Variants in CAMK1D observed in about 807,000 individuals in gnomAD.
CAMK1D encodes the protein calcium/calmodulin dependent protein kinase ID, also known as calcium/calmodulin-dependent protein kinase type 1D.
CAMK1D carries 9 observed loss-of-function variants against 47.7 expected under a neutral mutation model. That is an observed-to-expected ratio of 0.19 (90% CI 0.11 to 0.33). The LOEUF (loss-of-function observed/expected upper bound fraction) is 0.33, where lower values mean the gene tolerates loss of function less well. Ranked by LOEUF, CAMK1D falls within the 10% of genes least tolerant of loss-of-function variation. CAMK1D has a pLI of 1.00. For missense variants in CAMK1D, 291 were observed against 488.7 expected (o/e 0.60, Z 3.81); for synonymous variants, 184 against 184.9 (o/e 0.99, Z 0.04).
chr10:12,358,251 T>C lies in CAMK1D; in HGVS notation c.92+8341T>C, dbSNP rs78534680. 6.4e-3 allele frequency among the ~76,000 whole-genome samples: 969 copies of C among 151,962 alleles called. 7 individuals carry two copies. Among genetic ancestry groups the C allele is most frequent in the Non-Finnish European group, 0.01 (700 of 67,948 alleles). ...ATAGAGAAAGAAAAGAAAAAAGAAATGAGGGACCCAGTACAGTGGCTCATG... is the reference window on the plus strand; with the variant it reads ...ATAGAGAAAGAAAAGAAAAAAGAAACGAGGGACCCAGTACAGTGGCTCATG... On this transcript the variant is annotated intron_variant, in intron 1 of 10. Coordinates refer to ENST00000619168, the MANE Select transcript of CAMK1D (RefSeq NM_153498.4).
chr10:12,691,403 AAATATATATATATATATATTTTTTTTT>A (rs1832913406), intron 3 of CAMK1D, among the ~76,000 whole-genome samples: 1 of 7,098 alleles, frequency 1.4e-4, no homozygotes, highest in African/African-American at 5.2e-4. Context: ...ATATATATAT[AAATATATATATATATATATTTTTTTTT>A]TTTTTTTTTT....
chr10:12,574,468 ATTTTTTTTTTTTT>A lies in CAMK1D; in HGVS notation c.224+21129_224+21141del, dbSNP rs1171556305. On this transcript the variant is annotated intron_variant, in intron 2 of 10. Transcript: ENST00000619168. Reference sequence around the variant, plus strand: ...AGGTGCACACCACCACGCCTAGCTAATTTTTTTTTTTTTTTTTTTTTTTTTTTTTAGTAGAGAC... The same window carrying A: ...AGGTGCACACCACCACGCCTAGCTAATTTTTTTTTTTTTTTTAGTAGAGAC... Among the ~76,000 whole-genome samples, 8 of 61,376 alleles carry A rather than the reference ATTTTTTTTTTTTT, an allele frequency of 1.3e-4. No individual in the cohort carries two copies. The East Asian group carries it at 2.3e-3, about 18-fold the overall frequency. 40.3% of individuals were successfully genotyped at this position (61,376 alleles called of 152,430 possible). A position where few individuals can be genotyped will look rare whatever the true frequency, so the allele number is the denominator to read the frequency against.
intron 1 of CAMK1D, among the ~76,000 whole-genome samples, chr10:12,524,670 G>A (rs534470727): frequency 3.3e-5 from 5 of 151,978 alleles, no homozygotes; most frequent in African/African-American, 9.7e-5. Flanking sequence ...TGGCACCACT[G>A]CACTCCAGCC....
chr10:12,506,895 G>GTCCTTAGT (rs1834894152), intron 1 of CAMK1D, among the ~76,000 whole-genome samples: 1 of 152,192 alleles, frequency 6.6e-6, no homozygotes, highest in Admixed American at 6.5e-5. Context: ...GTCACATCAT[G>GTCCTTAGT]TCCTTAGTTC....
At chr10:12,441,298 A>AGTGATC (rs1449220605) in intron 1 of CAMK1D, among the ~76,000 whole-genome samples, 2 of 152,062 alleles carry the variant, frequency 1.3e-5, no homozygotes, top group Non-Finnish European at 2.9e-5. Flanking sequence ...GCTGGGCTGA[A>AGTGATC]GTGATCCTTC....
rs1343636547 is a variant in CAMK1D at position 12,834,315 on chromosome 10, C to A, written c.*5428C>A. On this transcript the variant is annotated 3_prime_UTR_variant, in exon 11 of 11. Transcript: ENST00000619168. The stretch of plus-strand genomic sequence containing the variant: ...CTGCATGCTGGCCGAGGCCCGGCCA[C>A]CTCCCGATGCCTCCAGAGTCAGTGG... 1 of 152,336 alleles carries A rather than the reference C, an allele frequency of 6.6e-6. No homozygotes were observed. The highest frequency in any genetic ancestry group is 1.5e-5 in the Non-Finnish European group (1 of 68,124). The allele number at this position is 152,336 out of a possible 1,614,324, so 9.4% of individuals were successfully genotyped here.
chr10:12,448,314 G>A (rs554884204), intron 1 of CAMK1D, among the ~76,000 whole-genome samples: 18 of 149,892 alleles, frequency 1.2e-4, no homozygotes, highest in African/African-American at 3.0e-4. Context: ...CGTGAGCCAC[G>A]ATGCCTGGAT....
intron 1 of CAMK1D, among the ~76,000 whole-genome samples, chr10:12,361,264 T>TTTTTTTTTTA (rs61640300): frequency 4.1e-5 from 5 of 120,924 alleles, no homozygotes; most frequent in South Asian, 2.6e-4. Flanking sequence ...TTTTTTTTTT[T>TTTTTTTTTTA]GAGATGGAGT....
At chr10:12,794,876 C>G (rs1356782790) in intron 6 of CAMK1D, among the ~76,000 whole-genome samples, 3 of 152,180 alleles carry the variant, frequency 2.0e-5, no homozygotes, top group Admixed American at 1.3e-4. Flanking sequence ...CCACCAGCCT[C>G]AACTTTATTA....
Position 12,515,397 on chromosome 10 carries a change from CTTTTCTTTTTTTTTTT to C in CAMK1D, c.93-37811_93-37796del, listed in dbSNP as rs746178560. Among the ~76,000 whole-genome samples the C allele has an allele frequency of 4.9e-3, 548 of 111,676 alleles. 3 individuals carry two copies. Among genetic ancestry groups the C allele is most frequent in the African/African-American group, 0.018 (507 of 27,994 alleles). 73.3% of individuals were successfully genotyped at this position (111,676 alleles called of 152,430 possible). On this transcript the variant is annotated intron_variant, in intron 1 of 10. Transcript: ENST00000619168. ...ATAGTTCGCTTTGCCTATAGTTTTC[CTTTTCTTTTTTTTTTT>C]TTTTCTTTTTTTTTTTCATTATACT...
intron 4 of CAMK1D, among the ~76,000 whole-genome samples, chr10:12,768,116 A>T (rs1040109131): frequency 6.6e-6 from 1 of 152,096 alleles, no homozygotes; most frequent in Non-Finnish European, 1.5e-5. Context: ...CAGGTGATCC[A>T]CCTGCCTTGG....
In CAMK1D at chr10:12,349,864, G is replaced by C. The variant is rs1206974177; in HGVS notation, c.46G>C (p.Ala16Pro). The stretch of plus-strand genomic sequence containing the variant: ...GAGCAGCTCCTCCTGGAAAAAGCAA[G>C]CTGAAGACATCAAGAAGATCTTCGA... ...GESSSSWKKQAEDIKKIFEFK... is the reference protein window; with the variant it reads ...GESSSSWKKQPEDIKKIFEFK... Residue 16 changes from alanine (A) to proline (P), a missense_variant, in exon 1 of 11, where the codon GCT becomes CCT. Ala to Pro is a conservative substitution (Grantham distance 27). Coordinates refer to ENST00000619168, the MANE Select transcript of CAMK1D (RefSeq NM_153498.4). 1 of 1,548,170 alleles carries C rather than the reference G, an allele frequency of 6.5e-7. No individual in the cohort carries two copies. The highest frequency in any genetic ancestry group is 2.7e-5 in the East Asian group (1 of 37,130).
chr10:12,371,608 A>C (rs899704079), intron 1 of CAMK1D, among the ~76,000 whole-genome samples: 6 of 134,310 alleles, frequency 4.5e-5, no homozygotes, highest in Admixed American at 7.5e-5. Context: ...ACAAAAAAAA[A>C]CTTTTTTGGC....
chr10:12,537,470 A>G (rs1286960558), intron 1 of CAMK1D, among the ~76,000 whole-genome samples: 1 of 152,220 alleles, frequency 6.6e-6, no homozygotes, highest in South Asian at 2.1e-4. Context: ...ATACTTAGCA[A>G]CTCTCCCACA....
At position 12,743,346 on chromosome 10, in the gene CAMK1D, CAAAAAAA is replaced by C. The variant is rs199673328; in HGVS notation, c.300-17595_300-17589del. ...TGGGTGACAGGGTAAGACCCTGTCT[CAAAAAAA>C]AAAAAAGAAAAAAGAAAAAAAGAAA... On this transcript the variant is annotated intron_variant, in intron 3 of 10. Transcript: ENST00000619168. Among the ~76,000 whole-genome samples, 19 of 92,382 alleles carry C rather than the reference CAAAAAAA, an allele frequency of 2.1e-4. No homozygotes were observed. In the South Asian group the frequency reaches 2.3e-3, roughly 11 times the overall value. 60.6% of individuals were successfully genotyped at this position (92,382 alleles called of 152,430 possible).
rs776371449 is a variant in CAMK1D at position 12,540,099 on chromosome 10, CT to C, written c.93-13116del. Among the ~76,000 whole-genome samples the C allele has an allele frequency of 3.0e-3, 421 of 138,616 alleles. 3 individuals carry two copies. The highest frequency in any genetic ancestry group is 0.01 in the African/African-American group (394 of 37,792). 90.9% of individuals were successfully genotyped at this position (138,616 alleles called of 152,430 possible). ...TAGCTAATTTTTTCTTTTTTCTTTTCTTTTTTTTTTGGAGAGTTGGGGGTCT... is the reference window on the plus strand; with the variant it reads ...TAGCTAATTTTTTCTTTTTTCTTTTCTTTTTTTTTGGAGAGTTGGGGGTCT... On this transcript the variant is annotated intron_variant, in intron 1 of 10. Coordinates refer to ENST00000619168, the MANE Select transcript of CAMK1D (RefSeq NM_153498.4).
chr10:12,597,079 A>G (rs1838167930), intron 2 of CAMK1D, among the ~76,000 whole-genome samples: 1 of 152,144 alleles, frequency 6.6e-6, no homozygotes, highest in Admixed American at 6.5e-5. Flanking sequence ...GATGGAAAAT[A>G]AAAAATACAC....
intron 3 of CAMK1D, among the ~76,000 whole-genome samples, chr10:12,756,018 C>T (rs528176710): frequency 6.6e-5 from 10 of 152,248 alleles, no homozygotes; most frequent in South Asian, 2.1e-4. Context: ...AAAGGTATTT[C>T]GAAGGTGAAT....
intron 1 of CAMK1D, among the ~76,000 whole-genome samples, chr10:12,485,992 A>G (rs371867537): frequency 6.4e-4 from 97 of 152,284 alleles, no homozygotes; most frequent in African/African-American, 2.3e-3. Context: ...GGACCACGGC[A>G]GAGTGCCACA....
Sources: gnomAD v4.1 joint callset for allele counts (sites outside exome capture counted in the v4.1 genomes callset) on GRCh38, gnomAD v4.1.1 for gene constraint, MANE v1.5 for transcripts, NCBI Gene and HGNC (gene_info 2026-07-23, HGNC 2026-07-21) for gene names.